The following HCN2 variants were observed in gnomAD, a reference collection of about 807,000 sequenced individuals.
HCN2 encodes the protein hyperpolarization activated cyclic nucleotide gated potassium and sodium channel 2, also known as potassium/sodium hyperpolarization-activated cyclic nucleotide-gated channel 2.
A neutral mutation model predicts 52.3 loss-of-function variants in HCN2; 20 were observed. That is an observed-to-expected ratio of 0.38 (90% CI 0.27 to 0.56). The LOEUF (loss-of-function observed/expected upper bound fraction) is 0.56, where lower values mean the gene tolerates loss of function less well. HCN2 is among the 20% of genes least tolerant of loss of function. HCN2 has a pLI of 0.71. For missense variants in HCN2, 981 were observed against 1,207.7 expected, an observed-to-expected ratio of 0.81 and a Z score of 2.78; for synonymous variants, 694 against 537.0, an observed-to-expected ratio of 1.29 and a Z score of -4.04.
chr19:598,078 C>T (rs761422010), intron 1 of HCN2, among the ~76,000 whole-genome samples: 134 of 152,298 alleles, frequency 8.8e-4, no homozygotes, highest in Non-Finnish European at 1.2e-3. Context: ...TGAGCCCCCT[C>T]GGGGCTGAGG....
intron 1 of HCN2, among the ~76,000 whole-genome samples, chr19:598,382 C>T (rs975858231): frequency 2.0e-5 from 3 of 151,906 alleles, no homozygotes; most frequent in Non-Finnish European, 4.4e-5. Context: ...TTTTGGCTCA[C>T]TGCAGCCTCG....
At position 616,108 on chromosome 19, in the gene HCN2, C is replaced by T. The variant is rs1183580896; in HGVS notation, c.2304C>T (p.Ala768=). Residue 768 remains alanine (A), a synonymous_variant, in exon 8 of 8, where the codon GCC becomes GCT. Transcript: ENST00000251287. The part of the protein sequence containing the change: ...VRRPPPGPAP[A]AASPGPPPPA... ...GCCCGCCCCCGGGGCCCGCACCTGC[C>T]GCCGCCTCACCCGGGCCCCCGCCCC... 33 of 966,430 alleles carry T rather than the reference C, an allele frequency of 3.4e-5. 1 individual carries two copies. The East Asian group carries it at 6.8e-4, about 20-fold the overall frequency. 59.9% of individuals were successfully genotyped at this position (966,430 alleles called of 1,614,324 possible). A position where few individuals can be genotyped will look rare whatever the true frequency, so the allele number is the denominator to read the frequency against.
At chr19:596,269 CAG>C (rs1201815174) in intron 1 of HCN2, among the ~76,000 whole-genome samples, 1 of 152,242 alleles carries the variant, frequency 6.6e-6, no homozygotes, top group Non-Finnish European at 1.5e-5. Flanking sequence ...GTTTCCGTGT[CAG>C]AGCCGAGAGA....
chr19:616,299 C>A lies in HCN2; in HGVS notation c.2495C>A (p.Pro832His). ...ASQPSLPHGA[P>H]GPAASTRPAS... is the part of the protein sequence containing the mutation. ...CAGCCCTCGCTGCCTCACGGCGCCCCCGGCCCCGCGGCCTCCACACGCCCG... is the reference window on the plus strand; with the variant it reads ...CAGCCCTCGCTGCCTCACGGCGCCCACGGCCCCGCGGCCTCCACACGCCCG... The change falls in exon 8 of 8, where the codon CCC becomes CAC. Residue 832 changes from proline (P) to histidine (H), a missense_variant. Physicochemically the swap from Pro to His is moderately conservative, Grantham distance 77. This residue lies in a region of HCN2 where 368 missense variants were observed against 314.8 expected (regional missense o/e 1.17). Transcript: ENST00000251287. 9.1e-7 allele frequency: 1 copy of A among 1,096,830 alleles called. No individual in the cohort carries two copies. Among genetic ancestry groups the A allele is most frequent in the Non-Finnish European group, 1.1e-6 (1 of 900,016 alleles). 67.9% of individuals were successfully genotyped at this position (1,096,830 alleles called of 1,614,324 possible).
At chr19:607,420 G>C (rs1307487395) in intron 3 of HCN2, among the ~76,000 whole-genome samples, 2 of 152,224 alleles carry the variant, frequency 1.3e-5, no homozygotes, top group African/African-American at 4.8e-5. Flanking sequence ...ACAGAGGGAA[G>C]ACCCGCCAGT....
At chr19:600,971 T>C (rs1191384806) in intron 1 of HCN2, among the ~76,000 whole-genome samples, 2 of 151,696 alleles carry the variant, frequency 1.3e-5, no homozygotes, top group African/African-American at 4.8e-5. Flanking sequence ...CCGGCACCCA[T>C]GCATCCCCTT....
chr19:609,661 G>A (rs1363045634), intron 4 of HCN2, among the ~76,000 whole-genome samples: 4 of 152,228 alleles, frequency 2.6e-5, no homozygotes, highest in Non-Finnish European at 4.4e-5. Context: ...CACTACTCAG[G>A]AGGCCGAGGT....
chr19:610,810 G>A (rs753959978), intron 5 of HCN2, among the ~76,000 whole-genome samples: 20 of 152,174 alleles, frequency 1.3e-4, no homozygotes, highest in African/African-American at 3.4e-4. Flanking sequence ...CCAGGGTTGC[G>A]GGAACAAATA....
rs1982809129 is a variant in HCN2, at chr19:589,895, C to CGGCGG, written c.-51_-50insGGCGG. The stretch of plus-strand genomic sequence containing the variant: ...GCCTCCCCCCTCCCTCGGGCTCCGG[C>CGGCGG]CGGCGGCGGCGGCGGCGGCTCCGCT... On this transcript the variant is annotated 5_prime_UTR_variant, in exon 1 of 8. Coordinates refer to ENST00000251287, the MANE Select transcript of HCN2 (RefSeq NM_001194.4). 1 of 702,776 alleles carries CGGCGG rather than the reference C, an allele frequency of 1.4e-6. No homozygotes were observed. The highest frequency in any genetic ancestry group is 1.5e-4 in the East Asian group (1 of 6,550). The allele number at this position is 702,776 out of a possible 1,614,324, so 43.5% of individuals were successfully genotyped here.
At position 590,260 on chromosome 19, in the gene HCN2, C is replaced by A; in HGVS notation, c.315C>A (p.Gly105=). ...KGSPNGECGR[G]EPQCSPAGPE... ...GCCCGAACGGCGAGTGCGGGCGCGG[C>A]GAGCCGCAGTGCAGCCCCGCGGGGC... Residue 105 remains glycine (G), a synonymous_variant, in exon 1 of 8, where the codon GGC becomes GGA. Coordinates refer to ENST00000251287, the MANE Select transcript of HCN2 (RefSeq NM_001194.4). This position sits in a 1 kb window ranked among gnomAD's most constrained non-coding sequence, Gnocchi z 7.2. 2 of 989,330 alleles carry A rather than the reference C, an allele frequency of 2.0e-6. No homozygotes were observed. The highest frequency in any genetic ancestry group is 2.4e-6 in the Non-Finnish European group (2 of 834,328). The allele number at this position is 989,330 out of a possible 1,614,324, so 61.3% of individuals were successfully genotyped here. A position where few individuals can be genotyped will look rare whatever the true frequency, so the allele number is the denominator to read the frequency against.
In HCN2 at chr19:590,614, C is replaced by T. The variant is rs1982841043; in HGVS notation, c.632+37C>T. On this transcript the variant is annotated intron_variant, in intron 1 of 7. Transcript: ENST00000251287. The surrounding 1 kb of genome is among the most constrained non-coding windows in gnomAD (Gnocchi z 7.2). ...GGGAGGGCCGGTCGGCGCGAGGGGG[C>T]CCGGGGAGCCGGGCGCGCGGGGAGC... 2.3e-6 allele frequency: 3 copies of T among 1,315,296 alleles called. No homozygotes were observed. Among genetic ancestry groups the T allele is most frequent in the African/African-American group, 3.1e-5 (2 of 65,514 alleles). 81.5% of individuals were successfully genotyped at this position (1,315,296 alleles called of 1,614,324 possible). A position where few individuals can be genotyped will look rare whatever the true frequency, so the allele number is the denominator to read the frequency against.
intron 2 of HCN2, among the ~76,000 whole-genome samples, chr19:604,858 G>GT (rs1568364721): frequency 0.032 from 1,163 of 36,570 alleles, 28 homozygotes; most frequent in African/African-American, 0.17. Flanking sequence ...GTAGAGGTGG[G>GT]CGGGGTCCTG....
chr19:605,025 C>T (rs771582520), intron 2 of HCN2, 36 bp from the exon 3 acceptor site: 2 of 1,583,810 alleles, frequency 1.3e-6, no homozygotes, highest in South Asian at 1.1e-5. Context: ...GGCCGGGGGT[C>T]AGCGGGTAGG....
chr19:603,131 G>A (rs371429579), intron 1 of HCN2, among the ~76,000 whole-genome samples: 3 of 130,030 alleles, frequency 2.3e-5, no homozygotes, highest in African/African-American at 8.8e-5. Context: ...AGCTTGAGGT[G>A]TGGGTGCCCC....
chr19:597,108 C>T lies in HCN2; in HGVS notation c.633-6436C>T, dbSNP rs1255140492. 2.0e-5 allele frequency among the ~76,000 whole-genome samples: 3 copies of T among 152,212 alleles called. No homozygotes were observed. In the East Asian group the frequency reaches 5.8e-4, roughly 29 times the overall value. ...TGGTTGGAACGGGCAGGCCCAGCCC[C>T]ACAAGGGACCCTCAGGGTGGCCACC... On this transcript the variant is annotated intron_variant, in intron 1 of 7. Transcript: ENST00000251287.
intron 1 of HCN2, 89 bp from the exon 2 acceptor site, chr19:603,455 C>T (rs1983286518): frequency 1.9e-6 from 2 of 1,050,874 alleles, no homozygotes; most frequent in African/African-American, 3.2e-5. Flanking sequence ...TGTGGGCGCC[C>T]CTCGTCCCCC....
At chr19:612,025 A>C (rs180975325) in intron 5 of HCN2, among the ~76,000 whole-genome samples, 71 of 152,162 alleles carry the variant, frequency 4.7e-4, no homozygotes, top group African/African-American at 1.5e-3. Context: ...GGCGCCTGTA[A>C]TCCCAGCTAC....
chr19:616,500 A>C lies in HCN2; in HGVS notation c.*26A>C. 2 of 1,196,890 alleles carry C rather than the reference A, an allele frequency of 1.7e-6. No individual in the cohort carries two copies. The highest frequency in any genetic ancestry group is 1.0e-6 in the Non-Finnish European group (1 of 961,510). 74.1% of individuals were successfully genotyped at this position (1,196,890 alleles called of 1,614,324 possible). On this transcript the variant is annotated 3_prime_UTR_variant, in exon 8 of 8. Transcript: ENST00000251287. ...CCCTCGCCGACCGCCCCGCGGGCCC[A>C]GGCGGGCCGGGGGCGGGGCCGTCAT...
In HCN2 at chr19:613,360, A is replaced by G; in HGVS notation, c.1697A>G (p.Gln566Arg). The G allele has an allele frequency of 6.2e-7, 1 of 1,613,076 alleles. No individual in the cohort carries two copies. The highest frequency in any genetic ancestry group is 8.5e-7 in the Non-Finnish European group (1 of 1,179,908). Residue 566 changes from glutamine (Q) to arginine (R), a missense_variant, in exon 6 of 8, where the codon CAG (glutamine) becomes CGG (arginine). By Grantham distance (43) the Gln-to-Arg change is conservative. Coordinates refer to ENST00000251287, the MANE Select transcript of HCN2 (RefSeq NM_001194.4). ...ACCAAGCTCAAGTTCGAGGTCTTCCAGCCGGGTGACTACATCATCCGCGAA... is the reference window on the plus strand; with the variant it reads ...ACCAAGCTCAAGTTCGAGGTCTTCCGGCCGGGTGACTACATCATCCGCGAA... ...MLTKLKFEVF[Q>R]PGDYIIREGT...
Sources: gnomAD v4.1 joint callset for allele counts (sites outside exome capture counted in the v4.1 genomes callset) on GRCh38, gnomAD v4.1.1 for gene constraint, gnomAD v4.1.1 regional missense constraint, Gnocchi (gnomAD v3.1) non-coding constraint, MANE v1.5 for transcripts, NCBI Gene and HGNC (gene_info 2026-07-23, HGNC 2026-07-21) for gene names.